Variants in MICU3 observed in about 807,000 individuals in gnomAD.
The protein encoded by MICU3 is calcium uptake protein 3, mitochondrial.
MICU3 carries 62 observed loss-of-function variants against 66.5 expected under a neutral mutation model. The observed-to-expected ratio is 0.93, with a 90% confidence interval of 0.76 to 1.15. The LOEUF (loss-of-function observed/expected upper bound fraction) is 1.15, where lower values mean the gene tolerates loss of function less well. Among genes scored for constraint, MICU3 ranks in the 50% most tolerant of loss-of-function variants. MICU3 has a pLI of 0.00. For missense variants in MICU3, 779 were observed against 664.4 expected (o/e 1.17, Z -1.90); for synonymous variants, 308 against 240.7 (o/e 1.28, Z -2.59).
chr8:17,033,349 A>G (rs1812410689), intron 1 of MICU3, among the ~76,000 whole-genome samples: 2 of 152,216 alleles, frequency 1.3e-5, no homozygotes, highest in South Asian at 4.1e-4. Context: ...TACTGCTGAG[A>G]TGGAGCAAGT....
chr8:17,034,926 C>T (rs892401220), intron 1 of MICU3, among the ~76,000 whole-genome samples: 1 of 152,320 alleles, frequency 6.6e-6, no homozygotes, highest in African/African-American at 2.4e-5. Flanking sequence ...TAGTTTGGCT[C>T]AGTGTCCCAC....
chr8:17,053,102 C>G (rs556409433), intron 1 of MICU3, among the ~76,000 whole-genome samples: 15 of 152,146 alleles, frequency 9.9e-5, no homozygotes, highest in Non-Finnish European at 1.6e-4. Flanking sequence ...GATGAGTAAT[C>G]TAAATAATAT....
chr8:17,069,168 ATCACTTTGCCTAGCC>A (rs1819169314), intron 2 of MICU3, among the ~76,000 whole-genome samples: 1 of 152,082 alleles, frequency 6.6e-6, no homozygotes. Flanking sequence ...AAGTTTCCCC[ATCACTTTGCCTAGCC>A]TCCCTTTCCT....
intron 7 of MICU3, among the ~76,000 whole-genome samples, chr8:17,087,696 T>C (rs1027864777): frequency 1.2e-4 from 18 of 152,062 alleles, no homozygotes; most frequent in African/African-American, 4.3e-4. Flanking sequence ...AACAATTCTC[T>C]TAGTATCCAT....
rs1019769822 is a variant in MICU3 at position 17,043,533 on chromosome 8, G to A, written c.381+15873G>A. ...ATAGGCAGGTTTTGGACTAGGGCTT[G>A]TGGTGAATGGAGATCAGTGTGACTT... On this transcript the variant is annotated intron_variant, in intron 1 of 14. Coordinates refer to ENST00000318063, the MANE Select transcript of MICU3 (RefSeq NM_181723.3). Among the ~76,000 whole-genome samples the A allele has an allele frequency of 2.0e-5, 3 of 152,192 alleles. 1 individual carries two copies. The highest frequency in any genetic ancestry group is 6.5e-5 in the Admixed American group (1 of 15,282).
At chr8:17,029,518 T>C (rs1334897861) in intron 1 of MICU3, among the ~76,000 whole-genome samples, 1 of 152,218 alleles carries the variant, frequency 6.6e-6, no homozygotes, top group Non-Finnish European at 1.5e-5. Context: ...TATTTTGTAC[T>C]TTTGTGCAGT....
intron 2 of MICU3, among the ~76,000 whole-genome samples, chr8:17,067,486 A>G (rs1021386041): frequency 3.3e-5 from 5 of 151,822 alleles, no homozygotes; most frequent in African/African-American, 7.3e-5. Flanking sequence ...CTGGACCGCA[A>G]TGGGGTGATC....
chr8:17,104,378 AT>A lies in MICU3; in HGVS notation c.985-4del, dbSNP rs573324672. On this transcript the variant is annotated splice_polypyrimidine_tract_variant and intron_variant, in intron 9 of 14. Coordinates refer to ENST00000318063, the MANE Select transcript of MICU3 (RefSeq NM_181723.3). ...TATTGAAGCTAACTTTTAAATTGTG[AT>A]TTTTTTTTAAGCGTGCTGATGACAT... is the stretch of plus-strand genomic sequence containing the variant. The A allele has an allele frequency of 3.7e-4, 478 of 1,301,850 alleles. No homozygotes were observed. The highest frequency in any genetic ancestry group is 1.2e-3 in the Middle Eastern group (6 of 4,826). The allele number at this position is 1,301,850 out of a possible 1,614,324, so 80.6% of individuals were successfully genotyped here.
chr8:17,098,651 G>A, intron 9 of MICU3, 98 bp downstream of exon 9: 1 of 797,106 alleles, frequency 1.3e-6, no homozygotes, highest in East Asian at 2.5e-5. Context: ...CAACATGTAT[G>A]TTACATTTTC....
rs1040482513 is a variant in MICU3, at chr8:17,114,018, T to C, written c.1258-75T>C. 5.6e-6 allele frequency: 5 copies of C among 899,986 alleles called. No homozygotes were observed. The African/African-American group carries it at 6.8e-5, about 12-fold the overall frequency. The allele number at this position is 899,986 out of a possible 1,614,324, so 55.8% of individuals were successfully genotyped here. ...CATTGCAAATGCTTAATCTGTTTTT[T>C]TCTCTTATGTGTAGATCCTGATTTT... On this transcript the variant is annotated intron_variant, in intron 11 of 14. Coordinates refer to ENST00000318063, the MANE Select transcript of MICU3 (RefSeq NM_181723.3).
At chr8:17,089,665 G>A (rs974867122) in intron 7 of MICU3, among the ~76,000 whole-genome samples, 4 of 151,958 alleles carry the variant, frequency 2.6e-5, no homozygotes, top group Non-Finnish European at 4.4e-5. Context: ...GGATGACCTT[G>A]GACAATGTCC....
chr8:17,075,428 A>G (rs1448007168), intron 3 of MICU3, among the ~76,000 whole-genome samples: 1 of 152,102 alleles, frequency 6.6e-6, no homozygotes, highest in African/African-American at 2.4e-5. Context: ...TCATCTCCTT[A>G]GCATAAACTC....
chr8:17,066,358 C>G (rs1418837519), intron 2 of MICU3, among the ~76,000 whole-genome samples: 1 of 151,488 alleles, frequency 6.6e-6, no homozygotes, highest in Non-Finnish European at 1.5e-5. Context: ...GATACAGAAC[C>G]ATCTCCAAGG....
At chr8:17,119,545 A>G (rs1803018862) in intron 14 of MICU3, among the ~76,000 whole-genome samples, 2 of 146,152 alleles carry the variant, frequency 1.4e-5, no homozygotes, top group Non-Finnish European at 1.5e-5. Context: ...AGATAGATAG[A>G]TAGATAGATA....
chr8:17,091,257 A>G (rs1307705931), intron 8 of MICU3, among the ~76,000 whole-genome samples: 1 of 152,030 alleles, frequency 6.6e-6, no homozygotes, highest in Non-Finnish European at 1.5e-5. Context: ...TCTCCTGAGA[A>G]AGTCAGCACT....
chr8:17,099,611 A>G (rs974848050), intron 9 of MICU3, among the ~76,000 whole-genome samples: 1 of 151,964 alleles, frequency 6.6e-6, no homozygotes, highest in Non-Finnish European at 1.5e-5. Context: ...ACCAACAATT[A>G]CCTTTTAAAA....
intron 1 of MICU3, among the ~76,000 whole-genome samples, chr8:17,036,843 G>A (rs1438525682): frequency 6.6e-6 from 1 of 152,356 alleles, no homozygotes; most frequent in Non-Finnish European, 1.5e-5. Flanking sequence ...GGTGGTCGAT[G>A]GCACTGGGCA....
intron 4 of MICU3, among the ~76,000 whole-genome samples, chr8:17,081,102 C>T (rs562876429): frequency 9.2e-5 from 14 of 152,072 alleles, no homozygotes; most frequent in African/African-American, 2.9e-4. Context: ...ACTCAGGATG[C>T]GATGTACAGA....
At chr8:17,074,827 G>T (rs531757595) in intron 3 of MICU3, among the ~76,000 whole-genome samples, 1 of 152,076 alleles carries the variant, frequency 6.6e-6, no homozygotes, top group Non-Finnish European at 1.5e-5. Context: ...AATTCTAGGA[G>T]ACTGACTTTA....
Sources: allele counts gnomAD v4.1 joint callset (sites outside exome capture counted in the v4.1 genomes callset), GRCh38; gene constraint gnomAD v4.1.1; transcripts MANE v1.5; gene names NCBI Gene and HGNC (gene_info 2026-07-23, HGNC 2026-07-21).